SLC35F4: variants seen among roughly 807,000 people sequenced by gnomAD.
SLC35F4 encodes the protein chromosome 14 open reading frame 36.
A neutral mutation model predicts 44.2 loss-of-function variants in SLC35F4; 24 were observed. The observed-to-expected ratio is 0.54, with a 90% CI of 0.39 to 0.76. The LOEUF (loss-of-function observed/expected upper bound fraction) is 0.76, where lower values mean the gene tolerates loss of function less well. SLC35F4 is among the 30% of genes least tolerant of loss of function. The probability of loss-of-function intolerance (pLI) is 0.00; values close to 1 mark genes in which losing one functional copy is unlikely to be tolerated. For missense variants in SLC35F4, 562 were observed against 586.1 expected, an observed-to-expected ratio of 0.96 and a Z score of 0.42; for synonymous variants, 238 against 223.6, an observed-to-expected ratio of 1.06 and a Z score of -0.57.
At chr14:57,761,198 A>G (rs531083239) in intron 1 of SLC35F4, among the ~76,000 whole-genome samples, 2 of 152,156 alleles carry the variant, frequency 1.3e-5, no homozygotes, top group Non-Finnish European at 2.9e-5. Flanking sequence ...GCGGTTGCAT[A>G]TATTTTATCC....
chr14:57,671,054 A>G (rs2074503660), intron 1 of SLC35F4, among the ~76,000 whole-genome samples: 2 of 151,006 alleles, frequency 1.3e-5, no homozygotes, highest in Admixed American at 1.3e-4. Flanking sequence ...ATAGACACAC[A>G]CCACCATGCC....
chr14:57,665,261 C>T (rs577068800), intron 1 of SLC35F4, among the ~76,000 whole-genome samples: 3 of 152,094 alleles, frequency 2.0e-5, no homozygotes, highest in Non-Finnish European at 4.4e-5. Flanking sequence ...TACCCAGACT[C>T]CGCCCATCCT....
downstream of SLC35F4, among the ~76,000 whole-genome samples, chr14:57,971,773 C>A (rs530049250): frequency 6.6e-6 from 1 of 152,258 alleles, no homozygotes; most frequent in Non-Finnish European, 1.5e-5. Flanking sequence ...CCAGAGGGTA[C>A]AAACTTTCAG....
At chr14:57,684,989 G>A (rs1021881691) in intron 1 of SLC35F4, among the ~76,000 whole-genome samples, 4 of 152,176 alleles carry the variant, frequency 2.6e-5, no homozygotes, top group Non-Finnish European at 5.9e-5. Flanking sequence ...TGGGTCTTAA[G>A]TGTATATCAG....
intron 1 of SLC35F4, among the ~76,000 whole-genome samples, chr14:57,825,501 T>C (rs1188884498): frequency 6.6e-6 from 1 of 152,156 alleles, no homozygotes; most frequent in Non-Finnish European, 1.5e-5. Context: ...GTAGAATAGC[T>C]TCTTAGAGCT....
chr14:57,616,423 A>G (rs2071831676), intron 1 of SLC35F4, among the ~76,000 whole-genome samples: 1 of 152,240 alleles, frequency 6.6e-6, no homozygotes, highest in Non-Finnish European at 1.5e-5. Flanking sequence ...GGTTACAATC[A>G]AAGTTGTGAA....
intron 1 of SLC35F4, among the ~76,000 whole-genome samples, chr14:57,597,108 C>T (rs1017277203): frequency 6.6e-6 from 1 of 152,150 alleles, no homozygotes; most frequent in Non-Finnish European, 1.5e-5. Flanking sequence ...GGGATGTAGT[C>T]AAGTATCATA....
intron 1 of SLC35F4, among the ~76,000 whole-genome samples, chr14:57,733,723 A>T (rs1326051208): frequency 6.6e-6 from 1 of 152,048 alleles, no homozygotes; most frequent in Non-Finnish European, 1.5e-5. Context: ...AAAAGTACAG[A>T]GTACTTTTGC....
At position 57,937,630 on chromosome 14, in the gene SLC35F4, G is replaced by GAAAAGAAAAGA. The variant is rs769182353; in HGVS notation, n.282+44272_282+44282dup. Among the ~76,000 whole-genome samples, 3 of 123,924 alleles carry GAAAAGAAAAGA rather than the reference G, an allele frequency of 2.4e-5. No homozygotes were observed. In the East Asian group the frequency reaches 7.3e-4, roughly 30 times the overall value. The allele number at this position is 123,924 out of a possible 152,430, so 81.3% of individuals were successfully genotyped here. ...GAAAAGAAAAGAAAAGAAAAGAAAA[G>GAAAAGAAAAGA]AAAAGAAAAGAAAAGAAAAGAAAAA... is the stretch of plus-strand genomic sequence containing the variant. On this transcript the variant is annotated intron_variant and non_coding_transcript_variant, in intron 1 of 1. Transcript: ENST00000556568.
At chr14:57,566,133 G>A (rs141654413) in intron 7 of SLC35F4, among the ~76,000 whole-genome samples, 375 of 152,228 alleles carry the variant, frequency 2.5e-3, no homozygotes, top group African/African-American at 8.6e-3. Context: ...CATTAGTGAC[G>A]GTTACTTGAA....
intron 1 of SLC35F4, among the ~76,000 whole-genome samples, chr14:57,936,618 T>A (rs1476726775): frequency 1.3e-5 from 2 of 152,234 alleles, no homozygotes; most frequent in Non-Finnish European, 2.9e-5. Context: ...GGAGGTAGGC[T>A]GCTAAACATC....
rs141952118 is a variant in SLC35F4 at position 57,890,157 on chromosome 14, C to CATT, written n.282+91755_282+91756insAAT. On this transcript the variant is annotated intron_variant and non_coding_transcript_variant, in intron 1 of 1. Coordinates refer to the SLC35F4 transcript ENST00000556568. The stretch of plus-strand genomic sequence containing the variant: ...CTGTGCTAGCTTCTTGCATTGCTGT[C>CATT]CTTCATGAGAACAACATGCTTTGGG... 2.3e-3 allele frequency among the ~76,000 whole-genome samples: 351 copies of CATT among 152,016 alleles called. 1 individual carries two copies. Among genetic ancestry groups the CATT allele is most frequent in the African/African-American group, 7.9e-3 (329 of 41,410 alleles).
chr14:57,677,332 A>C (rs545868488), intron 1 of SLC35F4, among the ~76,000 whole-genome samples: 9 of 152,100 alleles, frequency 5.9e-5, no homozygotes, highest in African/African-American at 2.2e-4. Context: ...TGATGGGTGC[A>C]CCAAAACCTC....
chr14:57,884,024 G>A (rs920454480), intron 1 of SLC35F4, among the ~76,000 whole-genome samples: 4 of 152,134 alleles, frequency 2.6e-5, no homozygotes, highest in South Asian at 2.1e-4. Flanking sequence ...AATAAGAGCC[G>A]TGGATAAAAA....
At chr14:57,623,080 A>G (rs1210981021) in intron 1 of SLC35F4, among the ~76,000 whole-genome samples, 1 of 152,096 alleles carries the variant, frequency 6.6e-6, no homozygotes, top group African/African-American at 2.4e-5. Flanking sequence ...CTCACTTGCA[A>G]ATCACACATA....
At chr14:57,566,067 G>A (rs1259896778) in intron 7 of SLC35F4, among the ~76,000 whole-genome samples, 1 of 152,064 alleles carries the variant, frequency 6.6e-6, no homozygotes, top group Non-Finnish European at 1.5e-5. Context: ...AGCTTTCCGT[G>A]GCTCCCCATG....
intron 3 of SLC35F4, among the ~76,000 whole-genome samples, chr14:57,581,875 A>G (rs1191188372): frequency 6.6e-6 from 1 of 152,188 alleles, no homozygotes; most frequent in East Asian, 1.9e-4. Context: ...ACATCTGTGC[A>G]GCACACATGT....
intron 1 of SLC35F4, among the ~76,000 whole-genome samples, chr14:57,793,700 C>A (rs1320534437): frequency 6.6e-6 from 1 of 152,028 alleles, no homozygotes; most frequent in Non-Finnish European, 1.5e-5. Flanking sequence ...GTCCAGGTGT[C>A]TTTTTGATAT....
chr14:57,717,405 G>A (rs1256820352), intron 1 of SLC35F4, among the ~76,000 whole-genome samples: 2 of 152,192 alleles, frequency 1.3e-5, no homozygotes, highest in Non-Finnish European at 2.9e-5. Flanking sequence ...GGGAGGCCGA[G>A]ACAGGCGGAT....
Sources: allele counts gnomAD v4.1 joint callset (sites outside exome capture counted in the v4.1 genomes callset), GRCh38; gene constraint gnomAD v4.1.1; transcripts MANE v1.5; gene names NCBI Gene and HGNC (gene_info 2026-07-23, HGNC 2026-07-21).